Variants in LGMN observed in about 807,000 individuals in gnomAD.
LGMN encodes asparaginyl endopeptidase.
Under a neutral mutation model 56.8 loss-of-function variants are expected in LGMN, and 36 were observed. The ratio of observed to expected loss-of-function variants is 0.63; its 90% CI spans 0.49 to 0.84. The LOEUF is 0.84. LGMN is among the 40% of genes least tolerant of loss of function. The probability of loss-of-function intolerance (pLI) is 0.00; values close to 1 mark genes in which losing one functional copy is unlikely to be tolerated. For synonymous variants in LGMN, 199 were observed against 210.1 expected (o/e 0.95, Z 0.46); for missense variants, 446 against 556.1 (o/e 0.80, Z 1.99).
intron 4 of LGMN, 121 bp downstream of exon 4, chr14:92,717,259 G>A (rs373575528): frequency 4.5e-5 from 27 of 603,982 alleles, no homozygotes; most frequent in African/African-American, 2.6e-4. Context: ...TAATACGAAT[G>A]TGAAACACCG....
chr14:92,720,006 TA>T (rs1890372756), intron 2 of LGMN, among the ~76,000 whole-genome samples: 1 of 152,154 alleles, frequency 6.6e-6, no homozygotes, highest in Admixed American at 6.5e-5. Context: ...AGCACAGCAA[TA>T]AAACTAAAGC....
intron 1 of LGMN, among the ~76,000 whole-genome samples, chr14:92,746,332 C>A (rs1446244093): frequency 6.6e-6 from 1 of 151,992 alleles, no homozygotes; most frequent in Non-Finnish European, 1.5e-5. Flanking sequence ...ACTGGGATTC[C>A]AATTATGGTC....
At position 92,712,787 on chromosome 14, in the gene LGMN, G is replaced by A. The variant is rs760907583; in HGVS notation, c.610+18C>T. 5.1e-5 allele frequency: 82 copies of A among 1,612,004 alleles called. No individual in the cohort carries two copies. The highest frequency in any genetic ancestry group is 8.8e-5 in the South Asian group (8 of 90,696). ...CTGCTTGCCAGCCCAGGTCGAGGCC[G>A]GCGCCCCAACCACCTACCATTGATG... On this transcript the variant is annotated intron_variant, in intron 8 of 13. Transcript: ENST00000334869.
In LGMN at chr14:92,717,364, C is replaced by A. The variant is rs746019006; in HGVS notation, c.318+16G>T. ...GAAAACTAAACCAGCTGGCTCCAAC[C>A]GTAGAAGCCACTCACCTCTCCAGTG... On this transcript the variant is annotated intron_variant, in intron 4 of 13. Coordinates refer to ENST00000334869, the MANE Select transcript of LGMN (RefSeq NM_005606.7). 2.0e-6 allele frequency: 3 copies of A among 1,498,842 alleles called. No homozygotes were observed. The African/African-American group carries it at 4.1e-5, about 21-fold the overall frequency. The allele number at this position is 1,498,842 out of a possible 1,614,324, so 92.8% of individuals were successfully genotyped here.
At chr14:92,740,263 A>G (rs190733283) in intron 1 of LGMN, among the ~76,000 whole-genome samples, 18 of 152,328 alleles carry the variant, frequency 1.2e-4, no homozygotes, top group Admixed American at 1.0e-3. Flanking sequence ...AAAGAAAGAA[A>G]GAAAGAAAGA....
Position 92,716,289 on chromosome 14 carries a change from C to T in LGMN, c.319-68G>A. 1.3e-5 allele frequency: 14 copies of T among 1,113,210 alleles called. 1 individual carries two copies. Among genetic ancestry groups the T allele is most frequent in the Non-Finnish European group, 9.6e-6 (7 of 727,014 alleles). The allele number at this position is 1,113,210 out of a possible 1,614,324, so 69.0% of individuals were successfully genotyped here. A position where few individuals can be genotyped will look rare whatever the true frequency, so the allele number is the denominator to read the frequency against. ...CAACCCAGAGAGTTGGCTGAGTCTGCAACCGACCCATGCCACCAGCCTGCA... is the reference window on the plus strand; with the variant it reads ...CAACCCAGAGAGTTGGCTGAGTCTGTAACCGACCCATGCCACCAGCCTGCA... On this transcript the variant is annotated intron_variant, in intron 4 of 13. Transcript: ENST00000334869.
intron 2 of LGMN, among the ~76,000 whole-genome samples, chr14:92,727,290 C>T (rs1458110811): frequency 4.0e-5 from 6 of 151,812 alleles, no homozygotes; most frequent in Admixed American, 6.6e-5. Flanking sequence ...ATTAGCCAGG[C>T]GTGGTGGCAG....
chr14:92,711,243 C>T (rs1321428778), intron 10 of LGMN, among the ~76,000 whole-genome samples: 1 of 152,106 alleles, frequency 6.6e-6, no homozygotes, highest in Admixed American at 6.6e-5. Context: ...GGGGCAGGAC[C>T]CCAGAAAATC....
Position 92,719,180 on chromosome 14 carries a change from CCAT to C in LGMN, c.139-339_139-337del, listed in dbSNP as rs1421272199. The stretch of plus-strand genomic sequence containing the variant: ...ACTGCCACCACCACCACCACCACCA[CCAT>C]CACCACCACCGCCACCAACACCACC... On this transcript the variant is annotated intron_variant, in intron 2 of 13. Coordinates refer to ENST00000334869, the MANE Select transcript of LGMN (RefSeq NM_005606.7). Among the ~76,000 whole-genome samples the C allele has an allele frequency of 1.2e-3, 142 of 118,252 alleles. 1 individual carries two copies. The highest frequency in any genetic ancestry group is 2.7e-3 in the African/African-American group (71 of 26,304). 77.6% of individuals were successfully genotyped at this position (118,252 alleles called of 152,430 possible).
At chr14:92,728,011 TC>T (rs1890828909) in intron 2 of LGMN, among the ~76,000 whole-genome samples, 1 of 152,152 alleles carries the variant, frequency 6.6e-6, no homozygotes, top group African/African-American at 2.4e-5. Context: ...CAACACTGAG[TC>T]TATGTAGCAG....
chr14:92,724,099 A>G (rs547733264), intron 2 of LGMN, among the ~76,000 whole-genome samples: 14 of 152,392 alleles, frequency 9.2e-5, no homozygotes, highest in African/African-American at 3.4e-4. Context: ...ACAACTTGGT[A>G]AATTTACTAA....
At chr14:92,728,855 T>C (rs1260790975) in intron 2 of LGMN, among the ~76,000 whole-genome samples, 1 of 152,080 alleles carries the variant, frequency 6.6e-6, no homozygotes, top group Non-Finnish European at 1.5e-5. Flanking sequence ...CCCCCACATC[T>C]TACAATGGAG....
intron 2 of LGMN, among the ~76,000 whole-genome samples, chr14:92,725,343 G>C (rs1260323553): frequency 1.3e-5 from 2 of 152,162 alleles, no homozygotes; most frequent in African/African-American, 4.8e-5. Context: ...GAGCCCAGGA[G>C]TTTGAGACCA....
Position 92,716,863 on chromosome 14 carries a change from G to A in LGMN, c.318+517C>T, listed in dbSNP as rs182049230. 1.6e-3 allele frequency among the ~76,000 whole-genome samples: 240 copies of A among 152,194 alleles called. 1 individual carries two copies. Among genetic ancestry groups the A allele is most frequent in the Non-Finnish European group, 3.8e-4 (26 of 67,998 alleles). The stretch of plus-strand genomic sequence containing the variant: ...CCAGGTGAATGAAGGCATCACGGTC[G>A]ATTTTAAAAATGTGTCAATTGAGAC... On this transcript the variant is annotated intron_variant, in intron 4 of 13. Coordinates refer to ENST00000334869, the MANE Select transcript of LGMN (RefSeq NM_005606.7).
chr14:92,717,864 G>C (rs1419320935), intron 3 of LGMN, among the ~76,000 whole-genome samples: 1 of 152,180 alleles, frequency 6.6e-6, no homozygotes, highest in African/African-American at 2.4e-5. Flanking sequence ...CGTCAGAGTG[G>C]GTGATGTATG....
chr14:92,739,699 C>T (rs971595803), intron 1 of LGMN, among the ~76,000 whole-genome samples: 3 of 152,162 alleles, frequency 2.0e-5, no homozygotes, highest in Non-Finnish European at 4.4e-5. Flanking sequence ...GGGGAAGAAA[C>T]TATGGAGGTG....
intron 11 of LGMN, among the ~76,000 whole-genome samples, chr14:92,709,097 C>T (rs537210508): frequency 1.2e-4 from 18 of 151,906 alleles, no homozygotes; most frequent in South Asian, 4.2e-4. Context: ...TTGGAAAGGA[C>T]GGCATAAGCA....
Position 92,709,857 on chromosome 14 carries a change from T to A in LGMN, c.835A>T (p.Lys279Ter), listed in dbSNP as rs762885764. ...TTCATACCCTGAAACTGCATCACTT[T>A]CATGGTGGAGATTGTCTGGGGAGAC... The part of the protein sequence containing the change: ...QYGNKTISTM[K>*]VMQFQGMKRK... The change falls in exon 11 of 14, where the codon AAA becomes TAA. Residue 279 changes from lysine to a stop codon, truncating the protein, a stop_gained. Transcript: ENST00000334869. LOFTEE classifies it high-confidence loss of function. 1 of 1,606,400 alleles carries A rather than the reference T, an allele frequency of 6.2e-7. No homozygotes were observed. Among genetic ancestry groups the A allele is most frequent in the East Asian group, 2.2e-5 (1 of 44,718 alleles).
chr14:92,704,098 G>C lies in LGMN; in HGVS notation c.*221C>G. 2 of 708,972 alleles carry C rather than the reference G, an allele frequency of 2.8e-6. No homozygotes were observed. The highest frequency in any genetic ancestry group is 2.6e-6 in the Non-Finnish European group (1 of 390,752). 43.9% of individuals were successfully genotyped at this position (708,972 alleles called of 1,614,324 possible). ...AGCAAATATGACCCTTCTCAATACAGAGCTTTTCCCACCCTAATTTGTAGT... is the reference window on the plus strand; with the variant it reads ...AGCAAATATGACCCTTCTCAATACACAGCTTTTCCCACCCTAATTTGTAGT... On this transcript the variant is annotated 3_prime_UTR_variant, in exon 14 of 14. Transcript: ENST00000334869.
Sources: allele counts gnomAD v4.1 joint callset (sites outside exome capture counted in the v4.1 genomes callset), GRCh38; gene constraint gnomAD v4.1.1; transcripts MANE v1.5; gene names NCBI Gene and HGNC (gene_info 2026-07-23, HGNC 2026-07-21).